TM2D1: variants seen among roughly 807,000 people sequenced by gnomAD.
The protein encoded by TM2D1 is TM2 domain containing 1.
TM2D1 carries 15 observed loss-of-function variants against 28.4 expected under a neutral mutation model. That is an observed-to-expected ratio of 0.53 (90% CI 0.35 to 0.81). TM2D1 has a LOEUF of 0.81. Among genes scored for constraint, TM2D1 ranks in the 40% least tolerant of loss-of-function variants. TM2D1 has a pLI of 0.01. For missense variants in TM2D1, 236 were observed against 254.9 expected (o/e 0.93, Z 0.50); for synonymous variants, 93 against 96.2 (o/e 0.97, Z 0.20).
At chr1:61,702,180 ACT>A in intron 3 of TM2D1, among the ~76,000 whole-genome samples, 2 of 151,968 alleles carry the variant, frequency 1.3e-5, no homozygotes, top group South Asian at 4.1e-4. Flanking sequence ...ACAGAGTGAG[ACT>A]CTGTCTCAAA....
chr1:61,686,710 T>C, intron 5 of TM2D1: 1 of 696,684 alleles, frequency 1.4e-6, no homozygotes, highest in Non-Finnish European at 1.8e-6. Context: ...AGCACCCACA[T>C]ACACATATAT....
At chr1:61,691,932 A>AAAAAAAAATATATATATATATATATAT in intron 5 of TM2D1, among the ~76,000 whole-genome samples, 8 of 76,384 alleles carry the variant, frequency 1.0e-4, no homozygotes, top group African/African-American at 3.3e-4. Context: ...AAAAAAAAAA[A>AAAAAAAAATATATATATATATATATAT]ATATATATAT....
intron 3 of TM2D1, among the ~76,000 whole-genome samples, chr1:61,703,975 C>T (rs1391107571): frequency 6.6e-6 from 1 of 151,672 alleles, no homozygotes; most frequent in Non-Finnish European, 1.5e-5. Flanking sequence ...AGGCTGGTCT[C>T]GAACTCCTGA....
chr1:61,706,633 ACC>A (rs1644442945), intron 3 of TM2D1, among the ~76,000 whole-genome samples: 1 of 149,876 alleles, frequency 6.7e-6, no homozygotes, highest in African/African-American at 2.5e-5. Context: ...ACATGGAGAA[ACC>A]CCGTCTCTAC....
intron 2 of TM2D1, among the ~76,000 whole-genome samples, chr1:61,722,971 T>C (rs116677757): frequency 2.7e-3 from 410 of 152,284 alleles, no homozygotes; most frequent in Non-Finnish European, 5.0e-3. Context: ...TTTGTATATA[T>C]GGAGATTTCA....
chr1:61,705,320 G>A lies in TM2D1; in HGVS notation c.347+4009C>T, dbSNP rs369393044. On this transcript the variant is annotated intron_variant, in intron 3 of 6. Coordinates refer to ENST00000606498, the MANE Select transcript of TM2D1 (RefSeq NM_032027.3). ...TCATGCCTCAGCTCCTGAGTAGCTGGGATTACAGGCACGCACCACCATGCC... is the reference window on the plus strand; with the variant it reads ...TCATGCCTCAGCTCCTGAGTAGCTGAGATTACAGGCACGCACCACCATGCC... Among the ~76,000 whole-genome samples the A allele has an allele frequency of 2.9e-4, 44 of 152,066 alleles. No homozygotes were observed. In the East Asian group the frequency reaches 7.0e-3, roughly 24 times the overall value.
Position 61,723,805 on chromosome 1 carries a change from G to A in TM2D1, c.165-19C>T. On this transcript the variant is annotated intron_variant, in intron 1 of 6. Coordinates refer to ENST00000606498, the MANE Select transcript of TM2D1 (RefSeq NM_032027.3). ...AATATATGTAAAAAAAAAAGTTAAG[G>A]AAATACGGACTACATTCCAACACAA... 8.0e-7 allele frequency: 1 copy of A among 1,249,818 alleles called. No homozygotes were observed. 77.4% of individuals were successfully genotyped at this position (1,249,818 alleles called of 1,614,324 possible). A position where few individuals can be genotyped will look rare whatever the true frequency, so the allele number is the denominator to read the frequency against.
rs763175414 is a variant in TM2D1, at chr1:61,725,097, A to ACCAGACGGC, written c.15_23dup (p.Gly8_Ser10dup). ...CCGTCACGGCCTCCGGAGCAGACGGACCAGACGGCCAGGCGGCCGCCATCT... is the reference window on the plus strand; with the variant it reads ...CCGTCACGGCCTCCGGAGCAGACGGACCAGACGGCCCAGACGGCCAGGCGGCCGCCATCT... On this transcript the variant is annotated inframe_insertion, in exon 1 of 7. Coordinates refer to ENST00000606498, the MANE Select transcript of TM2D1 (RefSeq NM_032027.3). The ACCAGACGGC allele has an allele frequency of 2.6e-5, 42 of 1,613,570 alleles. 1 individual carries two copies. Among genetic ancestry groups the ACCAGACGGC allele is most frequent in the Non-Finnish European group, 3.4e-5 (40 of 1,179,884 alleles).
intron 2 of TM2D1, among the ~76,000 whole-genome samples, chr1:61,723,352 G>A (rs1049118680): frequency 2.6e-5 from 4 of 152,188 alleles, no homozygotes; most frequent in African/African-American, 9.6e-5. Context: ...TAAGTGGAGA[G>A]CTAAAGGAAA....
chr1:61,689,734 AG>A (rs1249663237), intron 5 of TM2D1, among the ~76,000 whole-genome samples: 2 of 152,194 alleles, frequency 1.3e-5, no homozygotes, highest in East Asian at 3.8e-4. Context: ...AGGTTCCTCT[AG>A]GGCAAGGACC....
At chr1:61,721,775 T>C (rs992302929) in intron 2 of TM2D1, among the ~76,000 whole-genome samples, 2 of 151,750 alleles carry the variant, frequency 1.3e-5, no homozygotes, top group African/African-American at 4.8e-5. Flanking sequence ...GGAGTTAGAA[T>C]TGATTCACCA....
chr1:61,709,292 AGTAATCTGAAAATT>A, intron 3 of TM2D1, 23 bp downstream of exon 3: 1 of 1,266,060 alleles, frequency 7.9e-7, no homozygotes, highest in Non-Finnish European at 1.1e-6. Context: ...AATATAGGCA[AGTAATCTGAAAATT>A]TAAGTTTCAG....
At chr1:61,721,210 G>A (rs1007278743) in intron 2 of TM2D1, among the ~76,000 whole-genome samples, 39 of 151,996 alleles carry the variant, frequency 2.6e-4, no homozygotes, top group Middle Eastern at 6.8e-3. Flanking sequence ...TAGCCTGGGT[G>A]ACAGAGTGAG....
chr1:61,719,929 G>A (rs1246331425), intron 2 of TM2D1, among the ~76,000 whole-genome samples: 1 of 152,192 alleles, frequency 6.6e-6, no homozygotes, highest in African/African-American at 2.4e-5. Context: ...ATAAATAGTG[G>A]TTACCCACTG....
chr1:61,725,107 C>T lies in TM2D1; in HGVS notation c.14G>A (p.Trp5Ter), dbSNP rs1193511821. 1 of 1,613,632 alleles carries T rather than the reference C, an allele frequency of 6.2e-7. No homozygotes were observed. The highest frequency in any genetic ancestry group is 1.7e-5 in the Admixed American group (1 of 60,024). The change falls in exon 1 of 7, where the codon TGG (tryptophan) becomes TAG (stop). Residue 5 changes from tryptophan (W) to a stop codon, truncating the protein, a stop_gained. Transcript: ENST00000606498. LOFTEE classifies it high-confidence loss of function. ...CTCCGGAGCAGACGGACCAGACGGC[C>T]AGGCGGCCGCCATCTTGGAGACCGA... MAAA[W>*]PSGPSAPEAV...
At chr1:61,696,512 C>T (rs867128771) in intron 4 of TM2D1, among the ~76,000 whole-genome samples, 2 of 146,094 alleles carry the variant, frequency 1.4e-5, no homozygotes, top group Non-Finnish European at 3.0e-5. Flanking sequence ...GGACTCCAGC[C>T]GGGGCAACAA....
At chr1:61,704,419 G>GTT (rs911032836) in intron 3 of TM2D1, among the ~76,000 whole-genome samples, 2 of 151,868 alleles carry the variant, frequency 1.3e-5, no homozygotes, top group African/African-American at 4.8e-5. Flanking sequence ...AGTTTTTTTG[G>GTT]TTTTTTGTTT....
intron 5 of TM2D1, among the ~76,000 whole-genome samples, chr1:61,693,446 T>C (rs564026887): frequency 6.6e-6 from 1 of 152,278 alleles, no homozygotes; most frequent in South Asian, 2.1e-4. Context: ...CCCAATAATA[T>C]ATTAAATTCC....
At chr1:61,708,726 C>T (rs1644456943) in intron 3 of TM2D1, among the ~76,000 whole-genome samples, 2 of 152,096 alleles carry the variant, frequency 1.3e-5, no homozygotes, top group Admixed American at 1.3e-4. Context: ...ATTTTGAAGA[C>T]AATTTTTTCA....
Sources: allele counts gnomAD v4.1 joint callset (sites outside exome capture counted in the v4.1 genomes callset), GRCh38; gene constraint gnomAD v4.1.1; transcripts MANE v1.5; gene names NCBI Gene and HGNC (gene_info 2026-07-23, HGNC 2026-07-21).